The following EPS8 variants were observed in gnomAD, a reference collection of about 807,000 sequenced individuals.
EPS8 encodes the protein EGFR pathway substrate 8, signaling adaptor.
A neutral mutation model predicts 103.8 loss-of-function variants in EPS8; 42 were observed. The observed-to-expected ratio is 0.40, with a 90% CI of 0.32 to 0.52. The LOEUF (loss-of-function observed/expected upper bound fraction) is 0.52, where lower values mean the gene tolerates loss of function less well. Among genes scored for constraint, EPS8 ranks in the 20% least tolerant of loss-of-function variants. The pLI is 0.40. For missense variants in EPS8, 969 were observed against 1,005.1 expected (o/e 0.96, Z 0.49); for synonymous variants, 344 against 344.6 (o/e 1.00, Z 0.02).
chr12:15,724,513 C>A (rs141455137), intron 1 of EPS8, among the ~76,000 whole-genome samples: 1 of 152,136 alleles, frequency 6.6e-6, no homozygotes, highest in Non-Finnish European at 1.5e-5. Flanking sequence ...TTACAGACAT[C>A]TCAATATCTG....
At chr12:15,741,949 T>G (rs1377222773) in intron 1 of EPS8, among the ~76,000 whole-genome samples, 1 of 152,052 alleles carries the variant, frequency 6.6e-6, no homozygotes, top group East Asian at 1.9e-4. Context: ...CACCTATGAG[T>G]GAGAACATGC....
At chr12:15,636,425 T>C (rs1198641702) in intron 17 of EPS8, among the ~76,000 whole-genome samples, 1 of 152,228 alleles carries the variant, frequency 6.6e-6, no homozygotes. Flanking sequence ...TAGGTGGGAA[T>C]GGTTGTCTTT....
intron 1 of EPS8, among the ~76,000 whole-genome samples, chr12:15,708,611 G>A (rs1489393973): frequency 1.3e-5 from 2 of 152,178 alleles, no homozygotes; most frequent in Non-Finnish European, 2.9e-5. Context: ...TTAGTTGGGT[G>A]AAATTTTCTG....
At chr12:15,681,081 T>C (rs551281186) in intron 3 of EPS8, 145 bp downstream of exon 3, 12 of 371,678 alleles carry the variant, frequency 3.2e-5, no homozygotes, top group African/African-American at 2.1e-4. Context: ...TTATAAAAAC[T>C]CTTCTTTAAA....
At chr12:15,649,487 G>A (rs1236950831) in intron 14 of EPS8, among the ~76,000 whole-genome samples, 1 of 152,058 alleles carries the variant, frequency 6.6e-6, no homozygotes, top group Non-Finnish European at 1.5e-5. Flanking sequence ...AAAATTCACA[G>A]TGATGAGGCC....
Position 15,681,269 on chromosome 12 carries a change from C to T in EPS8, c.93G>A (p.Thr31=), listed in dbSNP as rs765397002. ...GYGSSPTFSQ[T]DREHGSKTSA... ...TTGTTTTTGAACCATGTTCTCTGTCCGTCTGGGAAAAGGTAGGTGATGATC... is the reference window on the plus strand; with the variant it reads ...TTGTTTTTGAACCATGTTCTCTGTCTGTCTGGGAAAAGGTAGGTGATGATC... The change falls in exon 3 of 21, where the codon ACG becomes ACA. Residue 31 remains threonine, a synonymous_variant. Transcript: ENST00000281172. 53 of 1,556,554 alleles carry T rather than the reference C, an allele frequency of 3.4e-5. No homozygotes were observed. Among genetic ancestry groups the T allele is most frequent in the Non-Finnish European group, 4.3e-5 (49 of 1,144,834 alleles).
chr12:15,631,755 A>G (rs1945051298), intron 17 of EPS8, 91 bp from the exon 18 acceptor site: 1 of 1,003,864 alleles, frequency 1.0e-6, no homozygotes, highest in Admixed American at 2.7e-5. Flanking sequence ...ATTGTTGGCT[A>G]TTTTTAAACT....
Position 15,660,725 on chromosome 12 carries a change from T to C in EPS8, c.826A>G (p.Ile276Val). ...ATAAAAAATTCAATGTCATCCAAAA[T>C]GTGGTTTAAGATTTGCTGAAATTAG... ...IDRDVQILNH[I>V]LDDIEFFITK... Residue 276 changes from isoleucine to valine, a missense_variant, in exon 10 of 21, where the codon ATT becomes GTT. By Grantham distance (29) the Ile-to-Val change is conservative. Transcript: ENST00000281172. The C allele has an allele frequency of 3.1e-6, 5 of 1,603,160 alleles. No homozygotes were observed. In the South Asian group the frequency reaches 4.4e-5, roughly 14 times the overall value.
In EPS8 at chr12:15,785,365, A is replaced by C. The variant is rs563505288; in HGVS notation, c.-22+3796T>G. 6.6e-6 allele frequency among the ~76,000 whole-genome samples: 1 copy of C among 152,264 alleles called. No individual in the cohort carries two copies. Among genetic ancestry groups the C allele is most frequent in the South Asian group, 2.1e-4 (1 of 4,834 alleles). The stretch of plus-strand genomic sequence containing the variant: ...ACAGGTTAACAATTCCAATGCTGCT[A>C]TACATCTATGATAGAAATGAATGAT... On this transcript the variant is annotated intron_variant, in intron 1 of 20. Coordinates refer to ENST00000281172, the MANE Select transcript of EPS8 (RefSeq NM_004447.6). The surrounding 1 kb of genome is among the most constrained non-coding windows in gnomAD (Gnocchi z 4.9).
At chr12:15,662,417 A>C (rs1205504729) in intron 8 of EPS8, 1 of 1,044,764 alleles carries the variant, frequency 9.6e-7, no homozygotes, top group Non-Finnish European at 1.2e-6. Context: ...TTTAATTCCT[A>C]CACAAGCCAG....
Position 15,665,779 on chromosome 12 carries a change from GC to G in EPS8, c.712del (p.Ala238HisfsTer24). The G allele has an allele frequency of 6.2e-7, 1 of 1,613,584 alleles. No individual in the cohort carries two copies. The highest frequency in any genetic ancestry group is 8.5e-7 in the Non-Finnish European group (1 of 1,179,852). ...ACAGTCCCCTTGGTCGGCTGCCCATGCAGACCAGGCTGCCACTCGACTTCTA... is the reference window on the plus strand; with the variant it reads ...ACAGTCCCCTTGGTCGGCTGCCCATGAGACCAGGCTGCCACTCGACTTCTA... ...DVRSRVAAWS[A>X]WAADQGDFEK... On this transcript the variant is annotated frameshift_variant, in exon 8 of 21. Transcript: ENST00000281172. LOFTEE classifies it high-confidence loss of function.
In EPS8 at chr12:15,719,131, AG is replaced by A. The variant is rs150654407; in HGVS notation, c.-21-36160del. On this transcript the variant is annotated intron_variant, in intron 1 of 20. Transcript: ENST00000281172. ...ATCAAAAAATCAGGGGAAATGCCCA[AG>A]TTTAATTCCAAAGCATGTACCTATT... Among the ~76,000 whole-genome samples, 876 of 152,260 alleles carry A rather than the reference AG, an allele frequency of 5.8e-3. 8 individuals carry two copies. Among genetic ancestry groups the A allele is most frequent in the African/African-American group, 0.02 (846 of 41,560 alleles).
chr12:15,659,298 C>T (rs941945662), intron 10 of EPS8, among the ~76,000 whole-genome samples: 2 of 151,730 alleles, frequency 1.3e-5, no homozygotes, highest in African/African-American at 2.4e-5. Context: ...AGATTGTTCT[C>T]ACAGCATGAA....
At chr12:15,645,746 C>T (rs1945309292) in intron 15 of EPS8, among the ~76,000 whole-genome samples, 1 of 152,062 alleles carries the variant, frequency 6.6e-6, no homozygotes, top group Non-Finnish European at 1.5e-5. Flanking sequence ...TACTCTCATG[C>T]ACTTATTCAT....
rs1945008088 is a variant in EPS8 at position 15,629,572 on chromosome 12, TTAG to T, written c.2044+1867_2044+1869del. On this transcript the variant is annotated intron_variant, in intron 18 of 20. Coordinates refer to ENST00000281172, the MANE Select transcript of EPS8 (RefSeq NM_004447.6). ...AAAAACTCCACATAATTTTAAAAAC[TTAG>T]TAGCATATTCTATTTTATTATGGTT... Among the ~76,000 whole-genome samples the T allele has an allele frequency of 2.6e-5, 4 of 152,332 alleles. No individual in the cohort carries two copies. The South Asian group carries it at 8.3e-4, about 32-fold the overall frequency.
intron 3 of EPS8, among the ~76,000 whole-genome samples, chr12:15,676,971 T>C (rs1945919762): frequency 6.6e-6 from 1 of 152,206 alleles, no homozygotes; most frequent in African/African-American, 2.4e-5. Flanking sequence ...ACAATACAAT[T>C]ATACCACTTA....
Position 15,647,203 on chromosome 12 carries a change from A to G in EPS8, c.1492T>C (p.Tyr498His). 6.2e-7 allele frequency: 1 copy of G among 1,613,980 alleles called. No individual in the cohort carries two copies. The change falls in exon 15 of 21, where the codon TAC (tyrosine) becomes CAC (histidine). Residue 498 changes from tyrosine to histidine, a missense_variant. By Grantham distance (83) the Tyr-to-His change is moderately conservative. Coordinates refer to ENST00000281172, the MANE Select transcript of EPS8 (RefSeq NM_004447.6). ...ADGYAFSSNI[Y>H]TRGSHLDQGE... is the part of the protein sequence containing the mutation. Reference sequence around the variant, plus strand: ...TGGTCCAGGTGGGATCCTCTTGTGTAAATGTTGCTACTGAACGCATAGCCA... The same window carrying G: ...TGGTCCAGGTGGGATCCTCTTGTGTGAATGTTGCTACTGAACGCATAGCCA...
At chr12:15,628,116 G>A (rs1440892196) in intron 18 of EPS8, among the ~76,000 whole-genome samples, 1 of 151,488 alleles carries the variant, frequency 6.6e-6, no homozygotes, top group Non-Finnish European at 1.5e-5. Flanking sequence ...AGGAGTAGGG[G>A]GTGCTAGAGA....
intron 13 of EPS8, among the ~76,000 whole-genome samples, chr12:15,652,608 G>T (rs541103222): frequency 2.0e-5 from 3 of 151,982 alleles, no homozygotes; most frequent in Non-Finnish European, 4.4e-5. Context: ...AAAATAAAAA[G>T]ATCTATTTAA....
Sources: allele counts gnomAD v4.1 joint callset (sites outside exome capture counted in the v4.1 genomes callset), GRCh38; gene constraint gnomAD v4.1.1; non-coding constraint Gnocchi (gnomAD v3.1); transcripts MANE v1.5; gene names NCBI Gene and HGNC (gene_info 2026-07-23, HGNC 2026-07-21).